SRSF11: variants seen among roughly 807,000 people sequenced by gnomAD.
The protein encoded by SRSF11 is serine/arginine-rich splicing factor 11.
SRSF11 carries 9 observed loss-of-function variants against 56.0 expected under a neutral mutation model. The observed-to-expected ratio is 0.16, with a 90% CI of 0.10 to 0.28. The LOEUF is 0.28. Among genes scored for constraint, SRSF11 ranks in the 10% least tolerant of loss-of-function variants. SRSF11 has a pLI of 1.00. For missense variants in SRSF11, 421 were observed against 600.7 expected (o/e 0.70, Z 3.13); for synonymous variants, 222 against 215.3 (o/e 1.03, Z -0.27).
chr1:70,232,177 G>C (rs536578658), intron 2 of SRSF11, 91 bp from the exon 3 acceptor site: 2 of 1,599,428 alleles, frequency 1.3e-6, no homozygotes, highest in African/African-American at 1.3e-5. Context: ...ACAAACTCAG[G>C]TGGTGTATCA....
rs1280212756 is a variant in SRSF11 at position 70,252,368 on chromosome 1, A to G, written c.*1563A>G. The G allele has an allele frequency of 3.9e-5, 6 of 152,092 alleles. No individual in the cohort carries two copies. Among genetic ancestry groups the G allele is most frequent in the Non-Finnish European group, 1.5e-5 (1 of 67,966 alleles). The allele number at this position is 152,092 out of a possible 1,614,324, so 9.4% of individuals were successfully genotyped here. A position where few individuals can be genotyped will look rare whatever the true frequency, so the allele number is the denominator to read the frequency against. The stretch of plus-strand genomic sequence containing the variant: ...GTATAGAAGCTGTCAATATGTATCT[A>G]CTGTACAGTACTAAATAGTATTCAT... On this transcript the variant is annotated 3_prime_UTR_variant, in exon 12 of 12. Coordinates refer to ENST00000370949, the MANE Select transcript of SRSF11 (RefSeq NM_001350605.2).
intron 2 of SRSF11, chr1:70,230,484 T>C (rs1672639594): frequency 4.9e-6 from 6 of 1,234,432 alleles, no homozygotes; most frequent in Non-Finnish European, 5.2e-6. Context: ...ATTTGGGGAT[T>C]TTTTAGGTTC....
At chr1:70,208,496 G>C (rs1209343039) in intron 1 of SRSF11, among the ~76,000 whole-genome samples, 1 of 152,140 alleles carries the variant, frequency 6.6e-6, no homozygotes, top group Non-Finnish European at 1.5e-5. Context: ...ACCACACCCA[G>C]CTAATTTTTT....
chr1:70,246,971 C>T (rs534771675), intron 9 of SRSF11, 64 bp downstream of exon 9: 24 of 1,341,302 alleles, frequency 1.8e-5, no homozygotes, highest in African/African-American at 7.4e-5. Context: ...AGTATCAGTA[C>T]GCTGTCAGTA....
At chr1:70,234,085 AAGGAGTTGGTATT>A (rs1258619887) in intron 3 of SRSF11, among the ~76,000 whole-genome samples, 1 of 152,156 alleles carries the variant, frequency 6.6e-6, no homozygotes, top group African/African-American at 2.4e-5. Context: ...GGAGCTGCAT[AAGGAGTTGGTATT>A]AAAACTTACT....
At chr1:70,235,392 T>C (rs1160347430) in intron 4 of SRSF11, 109 bp from the exon 5 acceptor site, 1 of 869,208 alleles carries the variant, frequency 1.2e-6, no homozygotes, top group Non-Finnish European at 1.8e-6. Flanking sequence ...AATTTATGTT[T>C]CATGGCATGT....
intron 10 of SRSF11, 40 bp from the exon 11 acceptor site, chr1:70,250,325 C>G: frequency 6.3e-7 from 1 of 1,599,834 alleles, no homozygotes; most frequent in Non-Finnish European, 8.5e-7. Context: ...ATCATCTAAA[C>G]AAGTTAAACC....
Position 70,221,828 on chromosome 1 carries a change from C to T in SRSF11, c.192C>T (p.Leu64=), listed in dbSNP as rs972594030. The change falls in exon 1 of 12, where the codon CTC becomes CTT. Residue 64 remains leucine (L), a synonymous_variant. Transcript: ENST00000370949. ...GFLGKIDELR[L]FPPDDSPLPV... ...TAGGCAAGATCGACGAACTGCGCCT[C>T]TTCCCGCCGGAGTGAGTATCGTCCA... 1 of 1,613,902 alleles carries T rather than the reference C, an allele frequency of 6.2e-7. No homozygotes were observed. The highest frequency in any genetic ancestry group is 8.5e-7 in the Non-Finnish European group (1 of 1,179,982).
At chr1:70,247,088 TTC>T in intron 9 of SRSF11, 181 bp downstream of exon 9, 5 of 1,141,872 alleles carry the variant, frequency 4.4e-6, no homozygotes, top group Non-Finnish European at 5.7e-6. Flanking sequence ...TAGTTTATTT[TTC>T]TTTTTACTTA....
intron 4 of SRSF11, 28 bp downstream of exon 4, chr1:70,234,816 A>C: frequency 1.3e-6 from 2 of 1,529,072 alleles, no homozygotes; most frequent in Non-Finnish European, 1.8e-6. Flanking sequence ...CAAATTTTTC[A>C]CCCATTTTTA....
rs1451361297 is a variant in SRSF11 at position 70,221,530 on chromosome 1, A to G, written c.-107A>G. On this transcript the variant is annotated 5_prime_UTR_variant, in exon 1 of 12. Coordinates refer to ENST00000370949, the MANE Select transcript of SRSF11 (RefSeq NM_001350605.2). Reference sequence around the variant, plus strand: ...CGGCAGCAGTAGCAGAGGCTGTAGCATCGGACACCCTCCTCTCTCCCGCAA... The same window carrying G: ...CGGCAGCAGTAGCAGAGGCTGTAGCGTCGGACACCCTCCTCTCTCCCGCAA... 20 of 1,429,744 alleles carry G rather than the reference A, an allele frequency of 1.4e-5. No homozygotes were observed. Among genetic ancestry groups the G allele is most frequent in the Non-Finnish European group, 1.8e-5 (19 of 1,061,452 alleles). 88.6% of individuals were successfully genotyped at this position (1,429,744 alleles called of 1,614,324 possible). A position where few individuals can be genotyped will look rare whatever the true frequency, so the allele number is the denominator to read the frequency against.
chr1:70,207,466 C>T (rs1311278158), intron 1 of SRSF11, among the ~76,000 whole-genome samples: 2 of 152,086 alleles, frequency 1.3e-5, no homozygotes, highest in Non-Finnish European at 2.9e-5. Flanking sequence ...GTCTCCAAAA[C>T]CTTTCTTTTT....
In SRSF11 at chr1:70,237,549, C is replaced by T. The variant is rs760579267; in HGVS notation, c.715C>T (p.Pro239Ser). Residue 239 changes from proline (P) to serine (S), a missense_variant, in exon 6 of 12, where the codon CCA (proline) becomes TCA (serine). Physicochemically the swap from Pro to Ser is moderately conservative, Grantham distance 74. This residue lies in a region of SRSF11 where 253 missense variants were observed against 305.8 expected (regional missense o/e 0.83). Transcript: ENST00000370949. ...AQSLISAAIE[P>S]DKKEEKRRHS... ...GTCCCTAATTTCTGCTGCTATAGAACCAGGTAAACAATGTTTATGCAATTT... is the reference window on the plus strand; with the variant it reads ...GTCCCTAATTTCTGCTGCTATAGAATCAGGTAAACAATGTTTATGCAATTT... 6.2e-7 allele frequency: 1 copy of T among 1,609,256 alleles called. No individual in the cohort carries two copies. Among genetic ancestry groups the T allele is most frequent in the Non-Finnish European group, 8.5e-7 (1 of 1,178,984 alleles).
intron 9 of SRSF11, among the ~76,000 whole-genome samples, chr1:70,247,415 A>G (rs958040068): frequency 1.3e-5 from 2 of 152,128 alleles, no homozygotes; most frequent in African/African-American, 4.8e-5. Context: ...TTCATACTTA[A>G]TTTGGGATTT....
intron 1 of SRSF11, among the ~76,000 whole-genome samples, chr1:70,224,546 T>C (rs1391784197): frequency 1.3e-5 from 2 of 152,194 alleles, no homozygotes; most frequent in East Asian, 1.9e-4. Flanking sequence ...CCACACCTAC[T>C]GAAGCTCTTC....
In SRSF11 at chr1:70,229,648, C is replaced by T; in HGVS notation, c.337+1093C>T. On this transcript the variant is annotated intron_variant, in intron 2 of 11. Coordinates refer to ENST00000370949, the MANE Select transcript of SRSF11 (RefSeq NM_001350605.2). ...TTTCCCCTTTCCTTAATAAACTGGT[C>T]AGTGGAAGTGGAATCTTAATATTGT... is the stretch of plus-strand genomic sequence containing the variant. 4.1e-6 allele frequency: 4 copies of T among 984,800 alleles called. No homozygotes were observed. The South Asian group carries it at 1.4e-4, about 35-fold the overall frequency. The allele number at this position is 984,800 out of a possible 1,614,324, so 61.0% of individuals were successfully genotyped here. A position where few individuals can be genotyped will look rare whatever the true frequency, so the allele number is the denominator to read the frequency against.
chr1:70,234,687 A>G lies in SRSF11; in HGVS notation c.448-9A>G, dbSNP rs751400965. ...AAGTTTTAAATAAATAAAATTTGCC[A>G]TTTCACAGATTGGCGCTGTTCCACT... On this transcript the variant is annotated splice_polypyrimidine_tract_variant and intron_variant, in intron 3 of 11. Coordinates refer to ENST00000370949, the MANE Select transcript of SRSF11 (RefSeq NM_001350605.2). 50 of 1,585,206 alleles carry G rather than the reference A, an allele frequency of 3.2e-5. No individual in the cohort carries two copies. The East Asian group carries it at 6.7e-4, about 21-fold the overall frequency.
intron 6 of SRSF11, among the ~76,000 whole-genome samples, chr1:70,238,244 CA>C (rs1401058314): frequency 6.6e-6 from 1 of 152,144 alleles, no homozygotes; most frequent in Non-Finnish European, 1.5e-5. Context: ...AGTTACATGG[CA>C]AGCAGTAGGA....
Position 70,249,748 on chromosome 1 carries a change from C to CA in SRSF11, c.1023-203dup, listed in dbSNP as rs1571966641. On this transcript the variant is annotated intron_variant, in intron 9 of 11. Transcript: ENST00000370949. Reference sequence around the variant, plus strand: ...AATTTTTTTGTATTTTTTGTAGAGACAGAGTTTCACCATGTTGCCCAGGCT... The same window carrying CA: ...AATTTTTTTGTATTTTTTGTAGAGACAAGAGTTTCACCATGTTGCCCAGGCT... The CA allele has an allele frequency of 1.2e-5, 6 of 496,964 alleles. No individual in the cohort carries two copies. The East Asian group carries it at 2.2e-4, about 18-fold the overall frequency. 30.8% of individuals were successfully genotyped at this position (496,964 alleles called of 1,614,324 possible).
Sources: allele counts gnomAD v4.1 joint callset (sites outside exome capture counted in the v4.1 genomes callset), GRCh38; gene constraint gnomAD v4.1.1; regional missense constraint gnomAD v4.1.1; transcripts MANE v1.5; gene names NCBI Gene and HGNC (gene_info 2026-07-23, HGNC 2026-07-21).